GPC6: variants seen among roughly 807,000 people sequenced by gnomAD.
The protein encoded by GPC6 is glypican 6.
A neutral mutation model predicts 55.2 loss-of-function variants in GPC6; 14 were observed. The observed-to-expected ratio is 0.25, with a 90% CI of 0.17 to 0.40. The LOEUF (loss-of-function observed/expected upper bound fraction) is 0.40. Ranked by LOEUF, GPC6 falls within the 10% of genes least tolerant of loss-of-function variation. The pLI is 1.00. For synonymous variants in GPC6, 278 were observed against 259.6 expected (o/e 1.07, Z -0.68); for missense variants, 641 against 708.5 (o/e 0.90, Z 1.08).
At chr13:93,887,013 A>T (rs897829221) in intron 3 of GPC6, among the ~76,000 whole-genome samples, 5 of 152,002 alleles carry the variant, frequency 3.3e-5, no homozygotes, top group African/African-American at 1.2e-4. Context: ...GATAATAAGA[A>T]TGTATGTTTC....
At chr13:93,533,247 G>T (rs1881935038) in intron 1 of GPC6, among the ~76,000 whole-genome samples, 1 of 152,148 alleles carries the variant, frequency 6.6e-6, no homozygotes, top group Non-Finnish European at 1.5e-5. Context: ...AGGTTGTATA[G>T]GAAATGTATG....
intron 1 of GPC6, among the ~76,000 whole-genome samples, chr13:93,471,927 T>G (rs1879137281): frequency 6.6e-6 from 1 of 152,234 alleles, no homozygotes; most frequent in Admixed American, 6.5e-5. Flanking sequence ...TCTCCGTTCT[T>G]GCTGGCTCTT....
chr13:93,398,645 A>G (rs1341428957), intron 1 of GPC6, among the ~76,000 whole-genome samples: 1 of 152,182 alleles, frequency 6.6e-6, no homozygotes, highest in African/African-American at 2.4e-5. Context: ...GGCAGCTAGC[A>G]TGCACTGAAC....
intron 2 of GPC6, among the ~76,000 whole-genome samples, chr13:93,622,727 T>C (rs1460423291): frequency 6.6e-6 from 1 of 152,222 alleles, no homozygotes; most frequent in Non-Finnish European, 1.5e-5. Context: ...AATTACATTA[T>C]TACCTCAAAG....
intron 3 of GPC6, among the ~76,000 whole-genome samples, chr13:93,839,409 C>T (rs1887868899): frequency 6.6e-6 from 1 of 152,084 alleles, no homozygotes; most frequent in South Asian, 2.1e-4. Context: ...CATGGTGAGG[C>T]TCCTATGTGT....
chr13:93,937,059 G>A (rs528504093), intron 3 of GPC6, among the ~76,000 whole-genome samples: 5 of 152,326 alleles, frequency 3.3e-5, no homozygotes, highest in African/African-American at 9.6e-5. Flanking sequence ...GAAGCAGAGA[G>A]AAAGGAAGGC....
chr13:94,021,260 G>GTA (rs57597417), intron 3 of GPC6, among the ~76,000 whole-genome samples: 10,968 of 146,060 alleles, frequency 0.075, 977 homozygotes, highest in African/African-American at 0.22. Context: ...TTCATTGTGT[G>GTA]TATATATATA....
chr13:93,464,082 A>G (rs2139318664), intron 1 of GPC6, among the ~76,000 whole-genome samples: 1 of 152,310 alleles, frequency 6.6e-6, no homozygotes, highest in African/African-American at 2.4e-5. Context: ...TGTGTCTACA[A>G]CCGGTACATA....
intron 2 of GPC6, among the ~76,000 whole-genome samples, chr13:93,673,797 CA>C (rs1183124831): frequency 6.6e-6 from 1 of 152,036 alleles, no homozygotes; most frequent in Non-Finnish European, 1.5e-5. Flanking sequence ...TGACTTTTTC[CA>C]AATGACGTGT....
At chr13:93,335,246 T>C (rs1454987423) in intron 1 of GPC6, among the ~76,000 whole-genome samples, 4 of 152,244 alleles carry the variant, frequency 2.6e-5, no homozygotes, top group Non-Finnish European at 5.9e-5. Context: ...ATATAACAAA[T>C]AGCTAACACA....
chr13:93,653,906 A>C (rs1321673957), intron 2 of GPC6, among the ~76,000 whole-genome samples: 1 of 152,176 alleles, frequency 6.6e-6, no homozygotes, highest in Non-Finnish European at 1.5e-5. Context: ...ACAGTTCTCT[A>C]GTCATGCAAC....
intron 1 of GPC6, among the ~76,000 whole-genome samples, chr13:93,440,640 C>T (rs1156463893): frequency 2.0e-5 from 3 of 151,862 alleles, no homozygotes; most frequent in South Asian, 2.1e-4. Flanking sequence ...TTTATTTATT[C>T]ATTTATTTAT....
chr13:94,071,582 A>G (rs1161922141), intron 4 of GPC6, among the ~76,000 whole-genome samples: 1 of 152,218 alleles, frequency 6.6e-6, no homozygotes, highest in Non-Finnish European at 1.5e-5. Flanking sequence ...TGGAACTTCA[A>G]CAGAGGTGAT....
intron 2 of GPC6, among the ~76,000 whole-genome samples, chr13:93,763,665 CT>C (rs1377798833): frequency 6.6e-6 from 1 of 152,196 alleles, no homozygotes; most frequent in Non-Finnish European, 1.5e-5. Flanking sequence ...GCCAAGACAT[CT>C]TCTGATTTCT....
intron 2 of GPC6, among the ~76,000 whole-genome samples, chr13:93,777,003 C>A (rs1162662893): frequency 6.6e-6 from 1 of 152,160 alleles, no homozygotes; most frequent in African/African-American, 2.4e-5. Flanking sequence ...ATAGAGATAT[C>A]TCTAATAATA....
In GPC6 at chr13:93,568,487, A is replaced by C. The variant is rs147930914; in HGVS notation, c.319+23066A>C. Among the ~76,000 whole-genome samples, 442 of 152,310 alleles carry C rather than the reference A, an allele frequency of 2.9e-3. 1 individual carries two copies. The highest frequency in any genetic ancestry group is 0.02 in the Middle Eastern group (6 of 294). The stretch of plus-strand genomic sequence containing the variant: ...CAAGAGCAATAGATGCTGAGGTAGA[A>C]GGGAAGAGAAAGACAGAATTTATGC... On this transcript the variant is annotated intron_variant, in intron 2 of 8. Coordinates refer to ENST00000377047, the MANE Select transcript of GPC6 (RefSeq NM_005708.5).
At chr13:93,468,744 A>G (rs1363874398) in intron 1 of GPC6, among the ~76,000 whole-genome samples, 1 of 152,228 alleles carries the variant, frequency 6.6e-6, no homozygotes, top group Non-Finnish European at 1.5e-5. Context: ...AGGTAAACTA[A>G]CTGGGGCAAT....
At chr13:93,706,797 A>T (rs1337306957) in intron 2 of GPC6, among the ~76,000 whole-genome samples, 1 of 151,942 alleles carries the variant, frequency 6.6e-6, no homozygotes, top group African/African-American at 2.4e-5. Context: ...AAAAAAAACC[A>T]TGCAGCTCTT....
At chr13:94,071,307 G>T (rs956192015) in intron 4 of GPC6, among the ~76,000 whole-genome samples, 1 of 152,096 alleles carries the variant, frequency 6.6e-6, no homozygotes, top group Admixed American at 6.5e-5. Flanking sequence ...TTAGAATAAA[G>T]CATGTGGTGT....
Sources: gnomAD v4.1 joint callset for allele counts (sites outside exome capture counted in the v4.1 genomes callset) on GRCh38, gnomAD v4.1.1 for gene constraint, MANE v1.5 for transcripts, NCBI Gene and HGNC (gene_info 2026-07-23, HGNC 2026-07-21) for gene names.